Variants in VWC2L observed in about 807,000 individuals in gnomAD.
VWC2L encodes the protein von Willebrand factor C domain containing 2 like, also known as von Willebrand factor C domain-containing protein 2-like.
Under a neutral mutation model 21.6 loss-of-function variants are expected in VWC2L, and 10 were observed. The ratio of observed to expected loss-of-function variants is 0.46; its 90% CI spans 0.29 to 0.78. The LOEUF (loss-of-function observed/expected upper bound fraction) is 0.78. Among genes scored for constraint, VWC2L ranks in the 30% least tolerant of loss-of-function variants. VWC2L has a pLI of 0.10. For synonymous variants in VWC2L, 96 were observed against 94.3 expected, an observed-to-expected ratio of 1.02 and a Z score of -0.10; for missense variants, 209 against 277.1, an observed-to-expected ratio of 0.75 and a Z score of 1.74.
intron 3 of VWC2L, among the ~76,000 whole-genome samples, chr2:214,517,814 G>A (rs1203694677): frequency 6.6e-6 from 1 of 152,218 alleles, no homozygotes; most frequent in Non-Finnish European, 1.5e-5. Context: ...AAGAGACTGG[G>A]AGAATAGAGA....
At chr2:214,418,332 A>T (rs1382018971) in intron 2 of VWC2L, among the ~76,000 whole-genome samples, 1 of 152,176 alleles carries the variant, frequency 6.6e-6, no homozygotes, top group East Asian at 1.9e-4. Flanking sequence ...TGTTTTACGG[A>T]TAAGAAAACT....
At chr2:214,466,733 T>C (rs760214925) in intron 3 of VWC2L, among the ~76,000 whole-genome samples, 1 of 152,350 alleles carries the variant, frequency 6.6e-6, no homozygotes, top group Admixed American at 6.5e-5. Flanking sequence ...ACATCTAGTG[T>C]AGTCACACTT....
At chr2:214,439,570 G>T (rs1437485287) in intron 3 of VWC2L, among the ~76,000 whole-genome samples, 1 of 151,790 alleles carries the variant, frequency 6.6e-6, no homozygotes, top group East Asian at 1.9e-4. Context: ...GTAATTTTCA[G>T]TTTGCATAAA....
intron 2 of VWC2L, among the ~76,000 whole-genome samples, chr2:214,426,670 G>C (rs1286349570): frequency 6.6e-6 from 1 of 152,006 alleles, no homozygotes; most frequent in Non-Finnish European, 1.5e-5. Flanking sequence ...TATCAAACTT[G>C]GCAAATCAAA....
intron 3 of VWC2L, among the ~76,000 whole-genome samples, chr2:214,474,458 A>C (rs1688470382): frequency 6.6e-6 from 1 of 152,148 alleles, no homozygotes; most frequent in African/African-American, 2.4e-5. Context: ...GTGTGCAAGT[A>C]TTTTGTCCAA....
chr2:214,536,988 ACACACACACACG>A (rs1559323036), intron 3 of VWC2L: 1 of 151,602 alleles, frequency 6.6e-6, no homozygotes, highest in Non-Finnish European at 1.5e-5. Context: ...ACACACACAC[ACACACACACACG>A]CACACACACT....
At chr2:214,447,187 T>C (rs1259053555) in intron 3 of VWC2L, among the ~76,000 whole-genome samples, 3 of 152,036 alleles carry the variant, frequency 2.0e-5, no homozygotes, top group Non-Finnish European at 2.9e-5. Flanking sequence ...TTGCCAAGAT[T>C]CATGAATACC....
At position 214,452,820 on chromosome 2, in the gene VWC2L, A is replaced by G. The variant is rs187698986; in HGVS notation, c.520+16062A>G. Among the ~76,000 whole-genome samples the G allele has an allele frequency of 6.8e-4, 103 of 152,230 alleles. 2 individuals are homozygous for G. Among genetic ancestry groups the G allele is most frequent in the Admixed American group, 1.5e-3 (23 of 15,290 alleles). On this transcript the variant is annotated intron_variant, in intron 3 of 3. Transcript: ENST00000312504. The stretch of plus-strand genomic sequence containing the variant: ...TTCTGTCATCGTGGTGTTAAGTTGC[A>G]TTTTCCTAATGACTAGTGAGGATTA...
intron 3 of VWC2L, among the ~76,000 whole-genome samples, chr2:214,489,162 C>G (rs1187231301): frequency 2.7e-5 from 4 of 149,690 alleles, no homozygotes; most frequent in Non-Finnish European, 4.4e-5. Context: ...TCAGCCTTGT[C>G]CATAGTAGCT....
intron 3 of VWC2L, among the ~76,000 whole-genome samples, chr2:214,551,027 CAACAA>C (rs1256110822): frequency 1.3e-5 from 2 of 152,118 alleles, no homozygotes; most frequent in African/African-American, 4.8e-5. Flanking sequence ...CCCAGCACTG[CAACAA>C]AAATTAGCAG....
intron 3 of VWC2L, chr2:214,473,776 TA>T (rs57654944): frequency 0.63 from 92,239 of 145,490 alleles, 29,443 homozygotes; most frequent in South Asian, 0.75. Context: ...CTTCCTGATT[TA>T]AAAAAAAAAA....
intron 3 of VWC2L, among the ~76,000 whole-genome samples, chr2:214,566,906 C>T (rs1431680998): frequency 6.6e-6 from 1 of 152,122 alleles, no homozygotes; most frequent in African/African-American, 2.4e-5. Flanking sequence ...TCAGACTGCA[C>T]CAAGCAGAGA....
At chr2:214,425,518 ATTT>A (rs1702509037) in intron 2 of VWC2L, among the ~76,000 whole-genome samples, 1 of 152,154 alleles carries the variant, frequency 6.6e-6, no homozygotes, top group Non-Finnish European at 1.5e-5. Flanking sequence ...ATAAAGATTA[ATTT>A]TTTATCTTTT....
chr2:214,512,474 G>A (rs1272887005), intron 3 of VWC2L, among the ~76,000 whole-genome samples: 1 of 151,844 alleles, frequency 6.6e-6, no homozygotes, highest in Non-Finnish European at 1.5e-5. Context: ...ATACCTGGGT[G>A]ACAAAGTAAT....
At chr2:214,540,151 G>T (rs1689604405) in intron 3 of VWC2L, among the ~76,000 whole-genome samples, 1 of 152,118 alleles carries the variant, frequency 6.6e-6, no homozygotes, top group South Asian at 2.1e-4. Flanking sequence ...TAAGTTCTCA[G>T]TCCCTGCATA....
rs199525079 is a variant in VWC2L, at chr2:214,469,422, AC to A, written c.520+32668del. ...AGACCATCCTGGCTAACATGGTGAAACCCCATCTCTACCAAAAATACAAAAA... is the reference window on the plus strand; with the variant it reads ...AGACCATCCTGGCTAACATGGTGAAACCCATCTCTACCAAAAATACAAAAA... On this transcript the variant is annotated intron_variant, in intron 3 of 3. Transcript: ENST00000312504. 5.6e-3 allele frequency among the ~76,000 whole-genome samples: 854 copies of A among 152,216 alleles called. 9 individuals are homozygous for A. Among genetic ancestry groups the A allele is most frequent in the African/African-American group, 0.02 (825 of 41,532 alleles).
intron 3 of VWC2L, among the ~76,000 whole-genome samples, chr2:214,533,690 T>C (rs2105917285): frequency 6.6e-6 from 1 of 152,252 alleles, no homozygotes; most frequent in Non-Finnish European, 1.5e-5. Context: ...TGGAATTCTC[T>C]GATTTAAGGA....
At chr2:214,494,500 G>T (rs1688785776) in intron 3 of VWC2L, among the ~76,000 whole-genome samples, 2 of 152,174 alleles carry the variant, frequency 1.3e-5, no homozygotes, top group Non-Finnish European at 2.9e-5. Flanking sequence ...AGTCAGGAAT[G>T]ACTTGGGCCT....
chr2:214,547,358 A>G (rs926573174), intron 3 of VWC2L, among the ~76,000 whole-genome samples: 2 of 152,240 alleles, frequency 1.3e-5, no homozygotes, highest in African/African-American at 4.8e-5. Flanking sequence ...AGAACTAAAC[A>G]TCTAGATCTA....
Sources: allele counts gnomAD v4.1 joint callset (sites outside exome capture counted in the v4.1 genomes callset), GRCh38; gene constraint gnomAD v4.1.1; transcripts MANE v1.5; gene names NCBI Gene and HGNC (gene_info 2026-07-23, HGNC 2026-07-21).